The following EIF2AK4 variants were observed in gnomAD, a reference collection of about 807,000 sequenced individuals.
EIF2AK4 encodes the protein eIF-2-alpha kinase GCN2.
In EIF2AK4, 139 loss-of-function variants were observed where a neutral mutation model predicts 211.1. That is an observed-to-expected ratio of 0.66 (90% CI 0.57 to 0.76). The LOEUF is 0.76. Among genes scored for constraint, EIF2AK4 ranks in the 30% least tolerant of loss-of-function variants. The pLI is 0.00. For synonymous variants in EIF2AK4, 710 were observed against 751.3 expected, an observed-to-expected ratio of 0.94 and a Z score of 0.90; for missense variants, 1,664 against 2,043.8, an observed-to-expected ratio of 0.81 and a Z score of 3.58.
intron 33 of EIF2AK4, 46 bp downstream of exon 33, chr15:40,026,135 T>C (rs1449589689): frequency 1.3e-6 from 2 of 1,481,844 alleles, no homozygotes; most frequent in South Asian, 2.3e-5. Flanking sequence ...CAGTTACCTA[T>C]ATGGAAACTA....
rs180928173 is a variant in EIF2AK4 at position 39,948,457 on chromosome 15, G to A, written c.361-659G>A. Among the ~76,000 whole-genome samples, 321 of 152,286 alleles carry A rather than the reference G, an allele frequency of 2.1e-3. 3 individuals are homozygous for A. The highest frequency in any genetic ancestry group is 3.5e-3 in the South Asian group (17 of 4,830). ...CCTAAGTATGATTTATGTCTCCTGC[G>A]GGTAAGGGAAAGGGGCTTCCTGTGT... On this transcript the variant is annotated intron_variant, in intron 3 of 38. Coordinates refer to ENST00000263791, the MANE Select transcript of EIF2AK4 (RefSeq NM_001013703.4).
chr15:39,961,911 A>C lies in EIF2AK4; in HGVS notation c.859+12A>C. 6.3e-7 allele frequency: 1 copy of C among 1,589,028 alleles called. No homozygotes were observed. Among genetic ancestry groups the C allele is most frequent in the Non-Finnish European group, 8.6e-7 (1 of 1,158,776 alleles). On this transcript the variant is annotated intron_variant, in intron 7 of 38. Coordinates refer to ENST00000263791, the MANE Select transcript of EIF2AK4 (RefSeq NM_001013703.4). The stretch of plus-strand genomic sequence containing the variant: ...AGGGAAATGTATTGGTGAGTAAACT[A>C]GCAAAATCTATTCATATTATTGTAA...
At chr15:40,011,227 T>C in intron 26 of EIF2AK4, 54 bp from the exon 27 acceptor site, 1 of 1,468,010 alleles carries the variant, frequency 6.8e-7, no homozygotes, top group South Asian at 1.2e-5. Context: ...AAATTGTGTC[T>C]TGTTCAGTGC....
intron 25 of EIF2AK4, among the ~76,000 whole-genome samples, chr15:40,008,684 G>A (rs1433563157): frequency 6.6e-6 from 1 of 152,114 alleles, no homozygotes; most frequent in Non-Finnish European, 1.5e-5. Flanking sequence ...TCTTTGCCCA[G>A]CCATGGTTTG....
At chr15:39,948,860 TAAAAG>T (rs2034265332) in intron 3 of EIF2AK4, among the ~76,000 whole-genome samples, 1 of 152,248 alleles carries the variant, frequency 6.6e-6, no homozygotes, top group Non-Finnish European at 1.5e-5. Context: ...AATAGGTCTA[TAAAAG>T]AAAAGTGAAG....
At chr15:39,970,281 A>G (rs1339363555) in intron 9 of EIF2AK4, among the ~76,000 whole-genome samples, 1 of 151,644 alleles carries the variant, frequency 6.6e-6, no homozygotes, top group Non-Finnish European at 1.5e-5. Context: ...CTTGGTGGCT[A>G]TAAATCTCTT....
chr15:40,016,730 G>A, intron 28 of EIF2AK4, 58 bp downstream of exon 28: 1 of 1,559,734 alleles, frequency 6.4e-7, no homozygotes, highest in Non-Finnish European at 8.7e-7. Flanking sequence ...ATAGCACAGG[G>A]AGGAAATGTG....
In EIF2AK4 at chr15:40,016,593, T is replaced by C; in HGVS notation, c.3851T>C (p.Ile1284Thr). The stretch of plus-strand genomic sequence containing the variant: ...TCATTAATAAAACAGAAAACAGGTA[T>C]TGCACAGTTGGTGAAGTATGGCTTA... Reference protein sequence around the residue: ...INSLIKQKTGIAQLVKYGLKD... With the variant: ...INSLIKQKTGTAQLVKYGLKD... The change falls in exon 28 of 39, where the codon ATT becomes ACT. Residue 1284 changes from isoleucine (I) to threonine (T), a missense_variant. Around this residue, in one of 7 missense-constraint regions of EIF2AK4, gnomAD observed 622 missense variants for 796.8 expected, o/e 0.78. Coordinates refer to ENST00000263791, the MANE Select transcript of EIF2AK4 (RefSeq NM_001013703.4). The C allele has an allele frequency of 6.2e-7, 1 of 1,614,198 alleles. No homozygotes were observed. The highest frequency in any genetic ancestry group is 8.5e-7 in the Non-Finnish European group (1 of 1,180,034).
chr15:40,026,299 AT>A (rs932496297), intron 33 of EIF2AK4, among the ~76,000 whole-genome samples: 1 of 151,814 alleles, frequency 6.6e-6, no homozygotes, highest in East Asian at 1.9e-4. Context: ...TAAAAAAAAA[AT>A]TTTTTTGATT....
intron 18 of EIF2AK4, among the ~76,000 whole-genome samples, chr15:39,996,299 C>G (rs2035017518): frequency 6.6e-6 from 1 of 152,170 alleles, no homozygotes. Context: ...AGATGTGAAA[C>G]AAAGCAAATT....
chr15:39,964,586 A>G (rs2034517647), intron 7 of EIF2AK4, among the ~76,000 whole-genome samples: 1 of 152,220 alleles, frequency 6.6e-6, no homozygotes, highest in Non-Finnish European at 1.5e-5. Flanking sequence ...TCAAGGTGTT[A>G]TATATATGCT....
At chr15:40,031,726 ATCT>A (rs931953921) in intron 35 of EIF2AK4, among the ~76,000 whole-genome samples, 44 of 149,700 alleles carry the variant, frequency 2.9e-4, no homozygotes, top group Middle Eastern at 3.5e-3. Context: ...TTAAGAGCAA[ATCT>A]TCTTTTTTTT....
intron 8 of EIF2AK4, among the ~76,000 whole-genome samples, chr15:39,966,760 A>G (rs987680649): frequency 6.6e-6 from 1 of 152,198 alleles, no homozygotes; most frequent in Non-Finnish European, 1.5e-5. Flanking sequence ...CTGGGTGGTG[A>G]CCACATAGAT....
At chr15:39,968,670 C>G (rs1269275051) in intron 9 of EIF2AK4, among the ~76,000 whole-genome samples, 1 of 152,116 alleles carries the variant, frequency 6.6e-6, no homozygotes, top group Non-Finnish European at 1.5e-5. Context: ...TTTTTACCTT[C>G]TTTTTCCCAA....
At chr15:39,982,321 C>G (rs1345939604) in intron 13 of EIF2AK4, among the ~76,000 whole-genome samples, 1 of 152,174 alleles carries the variant, frequency 6.6e-6, no homozygotes, top group East Asian at 1.9e-4. Flanking sequence ...TAAAACTGAA[C>G]CCTTCAAATA....
chr15:40,032,705 C>A, intron 36 of EIF2AK4, 52 bp from the exon 37 acceptor site: 1 of 1,550,016 alleles, frequency 6.5e-7, no homozygotes. Flanking sequence ...ACTATGGTCA[C>A]AAGGCAGTAT....
intron 7 of EIF2AK4, among the ~76,000 whole-genome samples, chr15:39,962,164 T>C (rs1263486827): frequency 6.6e-6 from 1 of 152,090 alleles, no homozygotes; most frequent in East Asian, 1.9e-4. Flanking sequence ...GGGGCCGAGG[T>C]GGAAGGATTG....
chr15:39,968,819 G>A (rs2034580074), intron 9 of EIF2AK4, among the ~76,000 whole-genome samples: 1 of 151,754 alleles, frequency 6.6e-6, no homozygotes, highest in Non-Finnish European at 1.5e-5. Context: ...TACCATTACA[G>A]ATGTGAAAGT....
intron 12 of EIF2AK4, 195 bp downstream of exon 12, chr15:39,977,039 C>G: frequency 1.8e-6 from 1 of 564,550 alleles, no homozygotes; most frequent in Non-Finnish European, 2.7e-6. Context: ...ATCCGCCTCC[C>G]GGGCCAGCGA....
Sources: gnomAD v4.1 joint callset for allele counts (sites outside exome capture counted in the v4.1 genomes callset) on GRCh38, gnomAD v4.1.1 for gene constraint, gnomAD v4.1.1 regional missense constraint, MANE v1.5 for transcripts, NCBI Gene and HGNC (gene_info 2026-07-23, HGNC 2026-07-21) for gene names.